Variants in UBXN2A observed in about 807,000 individuals in gnomAD.
The protein encoded by UBXN2A is UBX domain-containing protein 2A.
In UBXN2A, 28 loss-of-function variants were observed where a neutral mutation model predicts 28.4. The ratio of observed to expected loss-of-function variants is 0.99; its 90% CI spans 0.73 to 1.35. The LOEUF (loss-of-function observed/expected upper bound fraction) is 1.35. Ranked by LOEUF, UBXN2A falls within the 40% of genes most tolerant of loss-of-function variation. The probability of loss-of-function intolerance (pLI) is 0.00; values close to 1 mark genes in which losing one functional copy is unlikely to be tolerated. For synonymous variants in UBXN2A, 97 were observed against 103.6 expected (o/e 0.94, Z 0.39); for missense variants, 253 against 297.9 (o/e 0.85, Z 1.11).
chr2:23,991,700 G>C (rs1161192365), intron 6 of UBXN2A, among the ~76,000 whole-genome samples: 2 of 152,146 alleles, frequency 1.3e-5, no homozygotes, highest in Non-Finnish European at 2.9e-5. Flanking sequence ...TCGAACTGCT[G>C]ATCTCAGGTG....
intron 1 of UBXN2A, among the ~76,000 whole-genome samples, chr2:23,933,139 G>A (rs1205976028): frequency 6.6e-6 from 1 of 151,594 alleles, no homozygotes; most frequent in East Asian, 1.9e-4. Flanking sequence ...AAAAAATAAA[G>A]GAGAGATTAA....
At chr2:23,938,555 C>CT (rs561919115), upstream of UBXN2A, among the ~76,000 whole-genome samples, 2,394 of 127,578 alleles carry the variant, frequency 0.019, 26 homozygotes, top group African/African-American at 0.024. Flanking sequence ...CCCCCCCTCC[C>CT]TTTTTTTTTT....
At chr2:23,929,577 G>T (rs896104038) in intron 1 of UBXN2A, among the ~76,000 whole-genome samples, 1 of 151,924 alleles carries the variant, frequency 6.6e-6, no homozygotes, top group African/African-American at 2.4e-5. Flanking sequence ...GCCAGGCATG[G>T]TGGCAGACAC....
At chr2:23,928,470 G>A (rs997145828) in intron 1 of UBXN2A, among the ~76,000 whole-genome samples, 2 of 151,916 alleles carry the variant, frequency 1.3e-5, no homozygotes, top group Non-Finnish European at 2.9e-5. Flanking sequence ...CCAGCTACTT[G>A]AGAGGCTGAG....
intron 5 of UBXN2A, among the ~76,000 whole-genome samples, chr2:23,984,349 T>G (rs1266439767): frequency 6.6e-6 from 1 of 152,124 alleles, no homozygotes; most frequent in African/African-American, 2.4e-5. Flanking sequence ...AAATTTAACC[T>G]GGGCAGTAGG....
At position 24,000,050 on chromosome 2, in the gene UBXN2A, C is replaced by T; in HGVS notation, c.*183C>T. ...TAAGAAAGTAGCATATGACTGGAAACTATATTCAGTGCACTTTCTCCAAAA... is the reference window on the plus strand; with the variant it reads ...TAAGAAAGTAGCATATGACTGGAAATTATATTCAGTGCACTTTCTCCAAAA... On this transcript the variant is annotated 3_prime_UTR_variant, in exon 7 of 7. Coordinates refer to ENST00000309033, the MANE Select transcript of UBXN2A (RefSeq NM_181713.4). The T allele has an allele frequency of 3.5e-6, 2 of 576,988 alleles. No homozygotes were observed. Among genetic ancestry groups the T allele is most frequent in the Non-Finnish European group, 6.0e-6 (2 of 335,962 alleles). 35.7% of individuals were successfully genotyped at this position (576,988 alleles called of 1,614,324 possible). A position where few individuals can be genotyped will look rare whatever the true frequency, so the allele number is the denominator to read the frequency against.
At position 24,002,084 on chromosome 2, in the gene UBXN2A, C is replaced by G. The variant is rs1708734450; in HGVS notation, c.*2217C>G. 1 of 152,318 alleles carries G rather than the reference C, an allele frequency of 6.6e-6. No homozygotes were observed. The highest frequency in any genetic ancestry group is 2.1e-4 in the South Asian group (1 of 4,826). 9.4% of individuals were successfully genotyped at this position (152,318 alleles called of 1,614,324 possible). On this transcript the variant is annotated 3_prime_UTR_variant, in exon 7 of 7. Transcript: ENST00000309033. ...TTGAGCCCAGGAGTTTGAGACCAGCCTGGGCAACAAGGCAAAACTCTATCT... is the reference window on the plus strand; with the variant it reads ...TTGAGCCCAGGAGTTTGAGACCAGCGTGGGCAACAAGGCAAAACTCTATCT...
chr2:23,935,584 C>T (rs1705499689), upstream of UBXN2A, among the ~76,000 whole-genome samples: 1 of 152,148 alleles, frequency 6.6e-6, no homozygotes, highest in Admixed American at 6.6e-5. Context: ...AACACACATA[C>T]ACATACACAC....
intron 1 of UBXN2A, among the ~76,000 whole-genome samples, chr2:23,930,235 C>T (rs1258621765): frequency 1.9e-4 from 29 of 151,992 alleles, no homozygotes; most frequent in Admixed American, 1.5e-3. Context: ...CCCAGGAGTT[C>T]GAAACCAGCC....
chr2:23,951,365 G>A (rs1706349548), intron 1 of UBXN2A, among the ~76,000 whole-genome samples: 1 of 139,608 alleles, frequency 7.2e-6, no homozygotes, highest in Non-Finnish European at 1.5e-5. Flanking sequence ...ATACACTTTA[G>A]TTATTTTTAA....
intron 6 of UBXN2A, among the ~76,000 whole-genome samples, chr2:23,995,516 C>T (rs985620432): frequency 1.3e-4 from 20 of 151,642 alleles, no homozygotes; most frequent in African/African-American, 4.4e-4. Flanking sequence ...ATGGTGAAAC[C>T]CCGGATCTAC....
intron 2 of UBXN2A, among the ~76,000 whole-genome samples, chr2:23,970,247 C>G (rs1453086749): frequency 1.3e-5 from 2 of 152,120 alleles, no homozygotes; most frequent in African/African-American, 4.8e-5. Context: ...TTGCGCCACT[C>G]CACTCCAGCC....
At chr2:23,952,931 A>G (rs1472093424) in intron 1 of UBXN2A, among the ~76,000 whole-genome samples, 2 of 150,130 alleles carry the variant, frequency 1.3e-5, no homozygotes, top group Admixed American at 1.3e-4. Flanking sequence ...TTTTCAAGCC[A>G]TGAATCAACC....
Position 23,971,380 on chromosome 2 carries a change from C to G in UBXN2A, c.146C>G (p.Ser49Cys). 1 of 1,568,326 alleles carries G rather than the reference C, an allele frequency of 6.4e-7. No homozygotes were observed. The highest frequency in any genetic ancestry group is 1.3e-5 in the African/African-American group (1 of 74,498). ...TTTGAGGAAGCTCAGAAGGTTAGTTCCAAATGTGTGTCTCCCGCTGAACAG... is the reference window on the plus strand; with the variant it reads ...TTTGAGGAAGCTCAGAAGGTTAGTTGCAAATGTGTGTCTCCCGCTGAACAG... ...SLFEEAQKVS[S>C]KCVSPAEQKK... The change falls in exon 3 of 7, where the codon TCC (serine) becomes TGC (cysteine). Residue 49 changes from serine (S) to cysteine (C), a missense_variant. Physicochemically the swap from Ser to Cys is moderately radical, Grantham distance 112. Coordinates refer to ENST00000309033, the MANE Select transcript of UBXN2A (RefSeq NM_181713.4).
At chr2:23,981,278 C>G (rs72781639) in intron 4 of UBXN2A, among the ~76,000 whole-genome samples, 17,033 of 142,740 alleles carry the variant, frequency 0.12, 1,149 homozygotes, top group Middle Eastern at 0.22. Context: ...ACCAGTCCGG[C>G]CAACATAGCG....
At chr2:23,933,136 A>G (rs936915770) in intron 1 of UBXN2A, among the ~76,000 whole-genome samples, 8 of 152,052 alleles carry the variant, frequency 5.3e-5, no homozygotes, top group Non-Finnish European at 1.0e-4. Flanking sequence ...ATTAAAAAAT[A>G]AAGGAGAGAT....
At chr2:23,962,842 T>C (rs1404630407) in intron 2 of UBXN2A, among the ~76,000 whole-genome samples, 2 of 152,060 alleles carry the variant, frequency 1.3e-5, no homozygotes, top group African/African-American at 4.8e-5. Flanking sequence ...ACTCCCGACC[T>C]CAGGTGATCC....
chr2:23,961,892 T>G (rs1341937229), intron 2 of UBXN2A, among the ~76,000 whole-genome samples: 1 of 151,020 alleles, frequency 6.6e-6, no homozygotes, highest in African/African-American at 2.4e-5. Context: ...TCACCCAGGC[T>G]GGAGTGCAGT....
intron 3 of UBXN2A, among the ~76,000 whole-genome samples, chr2:23,973,998 A>G (rs2150873721): frequency 6.8e-6 from 1 of 148,066 alleles, no homozygotes; most frequent in East Asian, 2.1e-4. Flanking sequence ...AACTTATAGT[A>G]GCTGTTGAAA....
Sources: gnomAD v4.1 joint callset for allele counts (sites outside exome capture counted in the v4.1 genomes callset) on GRCh38, gnomAD v4.1.1 for gene constraint, MANE v1.5 for transcripts, NCBI Gene and HGNC (gene_info 2026-07-23, HGNC 2026-07-21) for gene names.